Variants in RASGRF2 observed in about 807,000 individuals in gnomAD.
The protein encoded by RASGRF2 is ras-specific guanine nucleotide-releasing factor 2.
In RASGRF2, 76 loss-of-function variants were observed where a neutral mutation model predicts 151.0. The ratio of observed to expected loss-of-function variants is 0.50; its 90% CI spans 0.42 to 0.61. The LOEUF is 0.61. RASGRF2 is among the 20% of genes least tolerant of loss of function. The pLI is 0.00. For synonymous variants in RASGRF2, 504 were observed against 566.5 expected (o/e 0.89, Z 1.57); for missense variants, 1,148 against 1,564.6 (o/e 0.73, Z 4.49).
Position 81,173,164 on chromosome 5 carries a change from G to T in RASGRF2, c.2687-7011G>T, listed in dbSNP as rs540809028. On this transcript the variant is annotated intron_variant, in intron 17 of 26. Coordinates refer to ENST00000265080, the MANE Select transcript of RASGRF2 (RefSeq NM_006909.3). ...GGCCAAGGCAGGTGGATCACCTGAGGTTAGGAGTTCGCAACCACCCTGGCC... is the reference window on the plus strand; with the variant it reads ...GGCCAAGGCAGGTGGATCACCTGAGTTTAGGAGTTCGCAACCACCCTGGCC... Among the ~76,000 whole-genome samples, 4 of 152,200 alleles carry T rather than the reference G, an allele frequency of 2.6e-5. No individual in the cohort carries two copies. In the South Asian group the frequency reaches 8.3e-4, roughly 32 times the overall value.
chr5:81,183,421 C>T (rs1480419698), intron 18 of RASGRF2: 2 of 556,554 alleles, frequency 3.6e-6, no homozygotes, highest in Non-Finnish European at 4.6e-6. Context: ...AATAAGAATG[C>T]CCCAGGATGT....
chr5:81,175,549 T>A (rs1754754835), intron 17 of RASGRF2, among the ~76,000 whole-genome samples: 1 of 151,302 alleles, frequency 6.6e-6, no homozygotes, highest in Non-Finnish European at 1.5e-5. Context: ...AGGTTGGGAG[T>A]TCGAGACCAG....
intron 1 of RASGRF2, among the ~76,000 whole-genome samples, chr5:81,027,954 G>C (rs760453907): frequency 1.3e-5 from 2 of 152,156 alleles, no homozygotes; most frequent in Non-Finnish European, 2.9e-5. Flanking sequence ...TGAGAAATCA[G>C]TGAAAATAAT....
At chr5:81,154,641 T>A (rs1361856870) in intron 17 of RASGRF2, among the ~76,000 whole-genome samples, 1 of 152,230 alleles carries the variant, frequency 6.6e-6, no homozygotes, top group Non-Finnish European at 1.5e-5. Context: ...GAAAGGTATG[T>A]TTCGAGAACA....
In RASGRF2 at chr5:81,201,449, G is replaced by T. The variant is rs1755392211; in HGVS notation, c.2906+7G>T. On this transcript the variant is annotated splice_region_variant and intron_variant, in intron 19 of 26. Transcript: ENST00000265080. The stretch of plus-strand genomic sequence containing the variant: ...CCGCCGCGAATATCCTCAGGTGAAG[G>T]CAGCTGAAGATGCCGACTGGATGAC... 1 of 1,609,136 alleles carries T rather than the reference G, an allele frequency of 6.2e-7. No individual in the cohort carries two copies. Among genetic ancestry groups the T allele is most frequent in the South Asian group, 1.1e-5 (1 of 90,552 alleles).
chr5:81,119,616 C>T (rs1235584915), intron 15 of RASGRF2, among the ~76,000 whole-genome samples: 1 of 152,206 alleles, frequency 6.6e-6, no homozygotes, highest in African/African-American at 2.4e-5. Flanking sequence ...GCTTCGAAGA[C>T]CTGTCAGTAC....
intron 17 of RASGRF2, among the ~76,000 whole-genome samples, chr5:81,158,378 T>C (rs1754309174): frequency 2.0e-5 from 3 of 152,134 alleles, no homozygotes; most frequent in Admixed American, 2.0e-4. Flanking sequence ...GAGAAATTGT[T>C]AGTGGATTGG....
At chr5:80,997,375 G>A (rs1448426008) in intron 1 of RASGRF2, 2 of 152,178 alleles carry the variant, frequency 1.3e-5, no homozygotes, top group African/African-American at 2.4e-5. Context: ...CTCACTTAAG[G>A]TGAGTACAAG....
rs1451525891 is a variant in RASGRF2 at position 81,225,701 on chromosome 5, A to T, written c.3645A>T (p.Lys1215Asn). The change falls in exon 27 of 27, where the codon AAA (lysine) becomes AAT (asparagine). Residue 1215 changes from lysine (K) to asparagine (N), a missense_variant. By Grantham distance (94) the Lys-to-Asn change is moderately conservative (BLOSUM62 0). Coordinates refer to ENST00000265080, the MANE Select transcript of RASGRF2 (RefSeq NM_006909.3). ...QPKVAQYLLD[K>N]DLIIDEDTLY... ...AGGTCGCACAGTACTTGCTTGACAAAGACCTTATCATAGATGAAGATACGC... is the reference window on the plus strand; with the variant it reads ...AGGTCGCACAGTACTTGCTTGACAATGACCTTATCATAGATGAAGATACGC... 1 of 1,611,800 alleles carries T rather than the reference A, an allele frequency of 6.2e-7. No homozygotes were observed. Among genetic ancestry groups the T allele is most frequent in the Admixed American group, 1.7e-5 (1 of 59,324 alleles).
At chr5:81,200,549 T>C (rs1245680614) in intron 18 of RASGRF2, among the ~76,000 whole-genome samples, 1 of 152,254 alleles carries the variant, frequency 6.6e-6, no homozygotes, top group Non-Finnish European at 1.5e-5. Context: ...GATATAGATA[T>C]TGATAGCCTT....
intron 19 of RASGRF2, among the ~76,000 whole-genome samples, chr5:81,201,917 C>A (rs147706399): frequency 6.6e-6 from 1 of 152,330 alleles, no homozygotes; most frequent in Non-Finnish European, 1.5e-5. Flanking sequence ...TGGTCCTCGA[C>A]CAGCTTTTCT....
At chr5:81,042,293 G>A (rs139086033) in intron 1 of RASGRF2, among the ~76,000 whole-genome samples, 3 of 152,190 alleles carry the variant, frequency 2.0e-5, no homozygotes, top group African/African-American at 4.8e-5. Context: ...TTCCTTTCCC[G>A]TGTCAAGTAT....
At chr5:81,141,627 A>G (rs949367939) in intron 17 of RASGRF2, among the ~76,000 whole-genome samples, 2 of 152,222 alleles carry the variant, frequency 1.3e-5, no homozygotes, top group South Asian at 4.1e-4. Context: ...TAATTTTGTT[A>G]TTAACTCTTG....
chr5:81,093,794 ATG>A (rs1344860067), intron 10 of RASGRF2, among the ~76,000 whole-genome samples: 3 of 152,160 alleles, frequency 2.0e-5, no homozygotes, highest in Non-Finnish European at 4.4e-5. Context: ...GGCTGCTTTT[ATG>A]CTAAAGTGGC....
chr5:81,036,527 C>T (rs1750499748), intron 1 of RASGRF2, among the ~76,000 whole-genome samples: 1 of 152,014 alleles, frequency 6.6e-6, no homozygotes, highest in Admixed American at 6.6e-5. Flanking sequence ...ATAATTGCCA[C>T]CCCCCACATC....
At position 81,127,092 on chromosome 5, in the gene RASGRF2, C is replaced by A. The variant is rs1316139202; in HGVS notation, c.2615C>A (p.Ala872Asp). ...RQPGGQTADN[A>D]HCSVSPASAF... ...TAACCAGGACAGACGGCGGACAATG[C>A]CCACTGCTCTGTTTCACCGGCTTCT... Residue 872 changes from alanine to aspartate, a missense_variant, in exon 17 of 27, where the codon GCC (alanine) becomes GAC (aspartate). By Grantham distance (126) the Ala-to-Asp change is moderately radical. Around this residue, in one of 5 missense-constraint regions of RASGRF2, gnomAD observed 646 missense variants for 807.4 expected, o/e 0.80. Coordinates refer to ENST00000265080, the MANE Select transcript of RASGRF2 (RefSeq NM_006909.3). The A allele has an allele frequency of 6.2e-7, 1 of 1,614,078 alleles. No homozygotes were observed. Among genetic ancestry groups the A allele is most frequent in the Non-Finnish European group, 8.5e-7 (1 of 1,179,956 alleles).
chr5:81,155,559 A>G (rs1754240749), intron 17 of RASGRF2, among the ~76,000 whole-genome samples: 1 of 152,232 alleles, frequency 6.6e-6, no homozygotes, highest in East Asian at 1.9e-4. Context: ...ATAAGGAAAT[A>G]TTATGAACAA....
Position 81,127,172 on chromosome 5 carries a change from G to C in RASGRF2, c.2686+9G>C, listed in dbSNP as rs761933129. On this transcript the variant is annotated intron_variant, in intron 17 of 26. Coordinates refer to ENST00000265080, the MANE Select transcript of RASGRF2 (RefSeq NM_006909.3). Reference sequence around the variant, plus strand: ...ACATGGGAGTCCACCAGGTGAGTAGGGGAGCAGCTATGTACAGATATGTGA... The same window carrying C: ...ACATGGGAGTCCACCAGGTGAGTAGCGGAGCAGCTATGTACAGATATGTGA... 17 of 1,611,176 alleles carry C rather than the reference G, an allele frequency of 1.1e-5. No individual in the cohort carries two copies. The highest frequency in any genetic ancestry group is 1.4e-5 in the Non-Finnish European group (17 of 1,177,486).
chr5:81,003,515 G>A (rs111796768), intron 1 of RASGRF2, among the ~76,000 whole-genome samples: 4,128 of 152,084 alleles, frequency 0.027, 80 homozygotes, highest in Middle Eastern at 0.095. Context: ...GAGCCACTGC[G>A]CCCGGCATGC....
Sources: allele counts gnomAD v4.1 joint callset (sites outside exome capture counted in the v4.1 genomes callset), GRCh38; gene constraint gnomAD v4.1.1; regional missense constraint gnomAD v4.1.1; transcripts MANE v1.5; gene names NCBI Gene and HGNC (gene_info 2026-07-23, HGNC 2026-07-21).